EIF2AK3: variants seen among roughly 807,000 people sequenced by gnomAD.
EIF2AK3 encodes the protein eukaryotic translation initiation factor 2-alpha kinase 3.
In EIF2AK3, 50 loss-of-function variants were observed where a neutral mutation model predicts 113.5. The ratio of observed to expected loss-of-function variants is 0.44; its 90% CI spans 0.35 to 0.56. EIF2AK3 has a LOEUF of 0.56. Among genes scored for constraint, EIF2AK3 ranks in the 20% least tolerant of loss-of-function variants. The probability of loss-of-function intolerance (pLI) is 0.00; values close to 1 mark genes in which losing one functional copy is unlikely to be tolerated. For synonymous variants in EIF2AK3, 448 were observed against 495.4 expected (o/e 0.90, Z 1.27); for missense variants, 1,185 against 1,378.0 (o/e 0.86, Z 2.22).
chr2:88,626,878 C>T (rs1403095125), intron 1 of EIF2AK3, 89 bp downstream of exon 1: 1 of 1,528,574 alleles, frequency 6.5e-7, no homozygotes, highest in Non-Finnish European at 8.8e-7. Flanking sequence ...GACGCCCGCC[C>T]GGGTCCCGGA....
At chr2:88,587,625 C>T (rs1389382714) in intron 8 of EIF2AK3, among the ~76,000 whole-genome samples, 1 of 152,094 alleles carries the variant, frequency 6.6e-6, no homozygotes, top group Non-Finnish European at 1.5e-5. Context: ...GAGCTAATAA[C>T]GAGAACCAAT....
chr2:88,613,705 G>C lies in EIF2AK3; in HGVS notation c.438+19C>G. 6.2e-7 allele frequency: 1 copy of C among 1,613,854 alleles called. No individual in the cohort carries two copies. The highest frequency in any genetic ancestry group is 1.3e-5 in the African/African-American group (1 of 75,012). On this transcript the variant is annotated intron_variant, in intron 2 of 16. Coordinates refer to ENST00000303236, the MANE Select transcript of EIF2AK3 (RefSeq NM_004836.7). Reference sequence around the variant, plus strand: ...TTAGAATTAAGTTTTCTAGTCAACAGTTAACAGAAAATTCTTACCTCTGGT... The same window carrying C: ...TTAGAATTAAGTTTTCTAGTCAACACTTAACAGAAAATTCTTACCTCTGGT...
chr2:88,579,104 A>C (rs1168271787), intron 11 of EIF2AK3, among the ~76,000 whole-genome samples: 1 of 152,224 alleles, frequency 6.6e-6, no homozygotes, highest in Admixed American at 6.5e-5. Context: ...TTAGGTAAAT[A>C]TATGACCAGA....
rs1673989825 is a variant in EIF2AK3, at chr2:88,562,410, A to T, written c.2986-20T>A. The T allele has an allele frequency of 1.9e-6, 3 of 1,588,782 alleles. No homozygotes were observed. The highest frequency in any genetic ancestry group is 2.6e-6 in the Non-Finnish European group (3 of 1,156,968). On this transcript the variant is annotated intron_variant, in intron 14 of 16. Coordinates refer to ENST00000303236, the MANE Select transcript of EIF2AK3 (RefSeq NM_004836.7). Reference sequence around the variant, plus strand: ...ATGAATCTGAAATCCCACATAAAGAAAATTTAAAAATTAACACAGAGACAG... The same window carrying T: ...ATGAATCTGAAATCCCACATAAAGATAATTTAAAAATTAACACAGAGACAG...
intron 2 of EIF2AK3, among the ~76,000 whole-genome samples, chr2:88,601,952 A>G (rs375247668): frequency 6.0e-5 from 9 of 150,138 alleles, no homozygotes; most frequent in African/African-American, 2.2e-4. Context: ...CCCAGGTTCA[A>G]GTGATTCTCC....
At chr2:88,593,459 A>T (rs1022407908) in intron 3 of EIF2AK3, 54 bp from the exon 4 acceptor site, 14 of 1,594,140 alleles carry the variant, frequency 8.8e-6, no homozygotes, top group Middle Eastern at 1.7e-4. Flanking sequence ...CTCATAATAG[A>T]TCAGAGATAT....
chr2:88,613,779 C>G lies in EIF2AK3; in HGVS notation c.383G>C (p.Trp128Ser). 6.2e-7 allele frequency: 1 copy of G among 1,614,086 alleles called. No individual in the cohort carries two copies. The highest frequency in any genetic ancestry group is 1.1e-5 in the South Asian group (1 of 91,084). ...LDPENHGKKQ[W>S]DLDVGSGSLV... ...GGAACCGGATCCCACATCCAAATCC[C>G]ACTGCTTTTTACCATGATTTTCAGG... The change falls in exon 2 of 17, where the codon TGG becomes TCG. Residue 128 changes from tryptophan (W) to serine (S), a missense_variant. Coordinates refer to ENST00000303236, the MANE Select transcript of EIF2AK3 (RefSeq NM_004836.7).
intron 2 of EIF2AK3, among the ~76,000 whole-genome samples, chr2:88,601,834 CTTTTTTTTTT>C (rs59987968): frequency 5.3e-5 from 4 of 74,866 alleles, no homozygotes; most frequent in East Asian, 4.4e-4. Flanking sequence ...TAAGATTTTT[CTTTTTTTTTT>C]TTTTTTTTTT....
At chr2:88,606,478 T>A (rs555080271) in intron 2 of EIF2AK3, among the ~76,000 whole-genome samples, 1 of 152,266 alleles carries the variant, frequency 6.6e-6, no homozygotes, top group African/African-American at 2.4e-5. Context: ...GAAAAGCAAT[T>A]AACCCAGGCA....
At chr2:88,563,655 T>TTACCCAAA (rs1674024213) in intron 14 of EIF2AK3, among the ~76,000 whole-genome samples, 1 of 152,176 alleles carries the variant, frequency 6.6e-6, no homozygotes. Context: ...ACAGGGATAG[T>TTACCCAAA]TACCCAAGTG....
chr2:88,583,750 G>A (rs1275214035), intron 9 of EIF2AK3, among the ~76,000 whole-genome samples: 4 of 152,032 alleles, frequency 2.6e-5, no homozygotes, highest in Non-Finnish European at 5.9e-5. Flanking sequence ...GTCTTTGAGG[G>A]GATTTTGTTT....
At chr2:88,594,848 AAC>A (rs1558656650) in intron 3 of EIF2AK3, among the ~76,000 whole-genome samples, 3 of 150,458 alleles carry the variant, frequency 2.0e-5, no homozygotes, top group African/African-American at 7.3e-5. Context: ...AAAAAAAAAA[AAC>A]GAAAGTTACA....
chr2:88,593,190 C>T, intron 4 of EIF2AK3, 82 bp downstream of exon 4: 1 of 1,554,176 alleles, frequency 6.4e-7, no homozygotes, highest in South Asian at 1.1e-5. Context: ...TAGTCAAAAT[C>T]TCCACAAACA....
At chr2:88,604,728 A>T (rs1210764205) in intron 2 of EIF2AK3, among the ~76,000 whole-genome samples, 1 of 152,174 alleles carries the variant, frequency 6.6e-6, no homozygotes, top group Admixed American at 6.5e-5. Flanking sequence ...GCCTGTGACT[A>T]TCCCACTAGG....
At chr2:88,581,387 T>C (rs2104422264) in intron 10 of EIF2AK3, among the ~76,000 whole-genome samples, 1 of 152,310 alleles carries the variant, frequency 6.6e-6, no homozygotes, top group South Asian at 2.1e-4. Context: ...TCATCTCTAC[T>C]TGCCGAACTC....
intron 4 of EIF2AK3, 123 bp downstream of exon 4, chr2:88,593,148 AT>A: frequency 8.2e-6 from 7 of 856,160 alleles, no homozygotes; most frequent in Non-Finnish European, 1.2e-5. Context: ...TATCAAAAAA[AT>A]ATATATATAT....
chr2:88,626,933 A>T (rs1675877785), intron 1 of EIF2AK3, 34 bp downstream of exon 1: 2 of 1,604,458 alleles, frequency 1.2e-6, no homozygotes, highest in Non-Finnish European at 8.5e-7. Context: ...GCGCGCGTAA[A>T]CAAGTTGCCT....
chr2:88,624,309 A>T (rs967599205), intron 1 of EIF2AK3, among the ~76,000 whole-genome samples: 1 of 152,032 alleles, frequency 6.6e-6, no homozygotes, highest in African/African-American at 2.4e-5. Flanking sequence ...TTTTCATTCT[A>T]TCTACACAGG....
At chr2:88,570,242 T>G (rs1674265237) in intron 14 of EIF2AK3, among the ~76,000 whole-genome samples, 1 of 152,246 alleles carries the variant, frequency 6.6e-6, no homozygotes, top group South Asian at 2.1e-4. Context: ...AGTGTAAGTA[T>G]GTACTGAGCC....
Sources: gnomAD v4.1 joint callset for allele counts (sites outside exome capture counted in the v4.1 genomes callset) on GRCh38, gnomAD v4.1.1 for gene constraint, MANE v1.5 for transcripts, NCBI Gene and HGNC (gene_info 2026-07-23, HGNC 2026-07-21) for gene names.